The following LCK variants were observed in gnomAD, a reference collection of about 807,000 sequenced individuals.
LCK encodes tyrosine-protein kinase Lck.
A neutral mutation model predicts 64.6 loss-of-function variants in LCK; 14 were observed. The observed-to-expected ratio is 0.22, with a 90% CI of 0.14 to 0.34. LCK has a LOEUF of 0.34. LCK is among the 10% of genes least tolerant of loss of function. LCK has a pLI of 1.00. For synonymous variants in LCK, 277 were observed against 263.6 expected (o/e 1.05, Z -0.49); for missense variants, 434 against 668.1 (o/e 0.65, Z 3.86).
chr1:32,284,356 T>C (rs1172697119), intron 12 of LCK, among the ~76,000 whole-genome samples: 1 of 148,884 alleles, frequency 6.7e-6, no homozygotes, highest in East Asian at 2.0e-4. Context: ...ATATATATAT[T>C]ATTTTTATTT....
chr1:32,276,934 C>A lies in LCK; in HGVS notation c.964+148C>A. 1 of 808,014 alleles carries A rather than the reference C, an allele frequency of 1.2e-6. No homozygotes were observed. 50.1% of individuals were successfully genotyped at this position (808,014 alleles called of 1,614,324 possible). On this transcript the variant is annotated intron_variant, in intron 9 of 12. Transcript: ENST00000336890. This position sits in a 1 kb window ranked among gnomAD's most constrained non-coding sequence, Gnocchi z 4.6. ...TGCCCCCTGGAGACTCACCTCCAGC[C>A]GGGCGCGGTGGCTCAGGCCTGTAAT... is the stretch of plus-strand genomic sequence containing the variant.
At chr1:32,258,815 A>C (rs1381387484) in intron 1 of LCK, among the ~76,000 whole-genome samples, 2 of 151,172 alleles carry the variant, frequency 1.3e-5, no homozygotes, top group Admixed American at 6.6e-5. Context: ...AAAAAAAAAA[A>C]AAAAAAAACC....
At chr1:32,272,564 C>A (rs1344033716) in intron 1 of LCK, among the ~76,000 whole-genome samples, 1 of 69,858 alleles carries the variant, frequency 1.4e-5, no homozygotes, top group Non-Finnish European at 2.6e-5. Context: ...GGAAGGGAGA[C>A]CCTGTCTCAA....
At chr1:32,255,417 A>G (rs1438394261) in intron 1 of LCK, among the ~76,000 whole-genome samples, 4 of 152,216 alleles carry the variant, frequency 2.6e-5, no homozygotes, top group Non-Finnish European at 4.4e-5. Context: ...TATACTCTGC[A>G]TTCTGTTCTG....
At chr1:32,264,390 C>A (rs1639859501) in intron 1 of LCK, among the ~76,000 whole-genome samples, 1 of 151,866 alleles carries the variant, frequency 6.6e-6, no homozygotes, top group African/African-American at 2.4e-5. Context: ...CCAAGCCAGG[C>A]ATATGCCAGC....
intron 1 of LCK, among the ~76,000 whole-genome samples, chr1:32,253,572 G>A (rs945394556): frequency 2.0e-4 from 30 of 152,156 alleles, no homozygotes; most frequent in African/African-American, 6.0e-4. Context: ...ATGAGCCACC[G>A]CACCTGGCCA....
At chr1:32,265,391 T>A (rs1193302110) in intron 1 of LCK, among the ~76,000 whole-genome samples, 1 of 152,222 alleles carries the variant, frequency 6.6e-6, no homozygotes, top group Non-Finnish European at 1.5e-5. Context: ...CTACAAACAT[T>A]TCTGGCATTG....
At chr1:32,262,563 C>G (rs1303003725) in intron 1 of LCK, among the ~76,000 whole-genome samples, 1 of 151,042 alleles carries the variant, frequency 6.6e-6, no homozygotes, top group African/African-American at 2.4e-5. Context: ...GCTGGGATTA[C>G]AAGCATGCGC....
At chr1:32,260,610 T>C (rs943463772) in intron 1 of LCK, among the ~76,000 whole-genome samples, 1 of 152,146 alleles carries the variant, frequency 6.6e-6, no homozygotes, top group Admixed American at 6.6e-5. Flanking sequence ...TCTGCTGTTT[T>C]TTGTGTTGCT....
intron 1 of LCK, among the ~76,000 whole-genome samples, chr1:32,256,050 T>C (rs954587257): frequency 2.6e-5 from 4 of 152,058 alleles, no homozygotes; most frequent in African/African-American, 9.7e-5. Context: ...GGAAGATCTC[T>C]TGAGACTAGG....
rs185184215 is a variant in LCK, at chr1:32,261,500, G to T, written c.-6+10129G>T. 1.8e-3 allele frequency among the ~76,000 whole-genome samples: 276 copies of T among 150,906 alleles called. 1 individual carries two copies. The highest frequency in any genetic ancestry group is 6.4e-3 in the African/African-American group (261 of 41,062). The stretch of plus-strand genomic sequence containing the variant: ...GTCTCTACTAAAAATACAAAAATTA[G>T]CTGGGCCTGGTGGAACGTGACTGTA... On this transcript the variant is annotated intron_variant, in intron 1 of 12. Transcript: ENST00000336890.
At chr1:32,274,857 G>T in intron 3 of LCK, 39 bp downstream of exon 3, 2 of 1,613,830 alleles carry the variant, frequency 1.2e-6, no homozygotes, top group Middle Eastern at 1.7e-4. Context: ...CAAGGCCTGC[G>T]GATCCCTGGC....
At chr1:32,277,523 C>T (rs565252274) in intron 9 of LCK, among the ~76,000 whole-genome samples, 44 of 152,286 alleles carry the variant, frequency 2.9e-4, no homozygotes, top group African/African-American at 8.4e-4. Flanking sequence ...CCCTGCACCC[C>T]TCTTGGTCTG....
intron 12 of LCK, among the ~76,000 whole-genome samples, chr1:32,284,970 G>C (rs1002158002): frequency 2.6e-5 from 4 of 152,132 alleles, no homozygotes; most frequent in African/African-American, 9.7e-5. Context: ...ACTCCAGCCT[G>C]GGCAACATAG....
At chr1:32,262,610 G>T (rs1434535347) in intron 1 of LCK, among the ~76,000 whole-genome samples, 1 of 151,272 alleles carries the variant, frequency 6.6e-6, no homozygotes, top group Non-Finnish European at 1.5e-5. Flanking sequence ...TTTTAGTAGA[G>T]ACGGGGTTTC....
chr1:32,265,547 A>G (rs1639886305), intron 1 of LCK, among the ~76,000 whole-genome samples: 1 of 152,222 alleles, frequency 6.6e-6, no homozygotes, highest in African/African-American at 2.4e-5. Flanking sequence ...AGTTCCTCTG[A>G]TCTTAATTTA....
Position 32,275,759 on chromosome 1 carries a change from C to A in LCK, c.481+87C>A. The A allele has an allele frequency of 1.5e-6, 2 of 1,330,376 alleles. No homozygotes were observed. The highest frequency in any genetic ancestry group is 5.1e-5 in the East Asian group (2 of 38,936). The allele number at this position is 1,330,376 out of a possible 1,614,324, so 82.4% of individuals were successfully genotyped here. On this transcript the variant is annotated intron_variant, in intron 6 of 12. Coordinates refer to ENST00000336890, the MANE Select transcript of LCK (RefSeq NM_005356.5). The surrounding 1 kb of genome is among the most constrained non-coding windows in gnomAD (Gnocchi z 6.9). ...GCAGGGTGAGCCCGAGGTGGAGACA[C>A]GGGGTGAGTCGGAGGGGGACGCGGG...
rs888977175 is a variant in LCK, at chr1:32,285,879, G to A, written c.*163G>A. 4.3e-6 allele frequency: 3 copies of A among 694,832 alleles called. No homozygotes were observed. The East Asian group carries it at 8.1e-5, about 19-fold the overall frequency. The allele number at this position is 694,832 out of a possible 1,614,324, so 43.0% of individuals were successfully genotyped here. A position where few individuals can be genotyped will look rare whatever the true frequency, so the allele number is the denominator to read the frequency against. ...CACCTTGTGTCTGTACACGTGTCCT[G>A]TAGTTGCGTGGACTCTGCACATGTC... On this transcript the variant is annotated 3_prime_UTR_variant, in exon 13 of 13. Coordinates refer to ENST00000336890, the MANE Select transcript of LCK (RefSeq NM_005356.5).
At chr1:32,259,155 T>C (rs922135374) in intron 1 of LCK, among the ~76,000 whole-genome samples, 4 of 151,630 alleles carry the variant, frequency 2.6e-5, no homozygotes. Context: ...CCCAGCACTT[T>C]AAGGGGCTGA....
Sources: allele counts gnomAD v4.1 joint callset (sites outside exome capture counted in the v4.1 genomes callset), GRCh38; gene constraint gnomAD v4.1.1; non-coding constraint Gnocchi (gnomAD v3.1); transcripts MANE v1.5; gene names NCBI Gene and HGNC (gene_info 2026-07-23, HGNC 2026-07-21).